Variants in SH2D4A observed in about 807,000 individuals in gnomAD.
SH2D4A encodes the protein SH2 domain containing 4A.
In SH2D4A, 70 loss-of-function variants were observed where a neutral mutation model predicts 64.7. The observed-to-expected ratio is 1.08, with a 90% CI of 0.89 to 1.32. SH2D4A has a LOEUF of 1.32. SH2D4A is among the 40% of genes most tolerant of loss of function. SH2D4A has a pLI of 0.00. For missense variants in SH2D4A, 706 were observed against 540.1 expected (o/e 1.31, Z -3.04); for synonymous variants, 268 against 200.7 (o/e 1.34, Z -2.83).
intron 5 of SH2D4A, among the ~76,000 whole-genome samples, chr8:19,358,461 A>G (rs1284617461): frequency 6.6e-6 from 1 of 152,204 alleles, no homozygotes; most frequent in Non-Finnish European, 1.5e-5. Context: ...GGGATGGGAC[A>G]GGTAGTCAGA....
chr8:19,329,324 A>T (rs1375283590), intron 2 of SH2D4A, among the ~76,000 whole-genome samples: 1 of 152,114 alleles, frequency 6.6e-6, no homozygotes, highest in Non-Finnish European at 1.5e-5. Context: ...CTGGCCCTCC[A>T]GGGACTTAGT....
At chr8:19,318,942 A>G (rs1338810037) in intron 1 of SH2D4A, among the ~76,000 whole-genome samples, 2 of 151,892 alleles carry the variant, frequency 1.3e-5, no homozygotes, top group South Asian at 2.1e-4. Flanking sequence ...TTCTTTTGAA[A>G]TAGGTACTTT....
intron 5 of SH2D4A, 100 bp from the exon 6 acceptor site, chr8:19,361,103 G>T (rs368924600): frequency 2.1e-6 from 1 of 474,488 alleles, no homozygotes; most frequent in African/African-American, 7.6e-5. Flanking sequence ...AGTCAGCTGT[G>T]CCGGGTACCC....
At chr8:19,349,510 G>A (rs868443032) in intron 4 of SH2D4A, among the ~76,000 whole-genome samples, 3 of 152,142 alleles carry the variant, frequency 2.0e-5, no homozygotes, top group Non-Finnish European at 4.4e-5. Flanking sequence ...CATTGTGGGA[G>A]ATATTAGCAT....
chr8:19,379,170 C>T (rs962061397), intron 8 of SH2D4A, among the ~76,000 whole-genome samples: 1 of 152,054 alleles, frequency 6.6e-6, no homozygotes, highest in Admixed American at 6.6e-5. Context: ...TTTAATAATG[C>T]TCCATTCACC....
At chr8:19,330,704 T>C (rs563898070) in intron 2 of SH2D4A, among the ~76,000 whole-genome samples, 1 of 152,274 alleles carries the variant, frequency 6.6e-6, no homozygotes, top group East Asian at 1.9e-4. Context: ...CCCTCTGCTC[T>C]TCCTTTTTCT....
At chr8:19,317,297 A>G (rs2052104632) in intron 1 of SH2D4A, among the ~76,000 whole-genome samples, 1 of 144,846 alleles carries the variant, frequency 6.9e-6, no homozygotes, top group Admixed American at 7.0e-5. Context: ...TCTTGACAAG[A>G]CATCCATTTT....
chr8:19,343,536 T>A (rs1689787018), intron 4 of SH2D4A, among the ~76,000 whole-genome samples: 1 of 152,198 alleles, frequency 6.6e-6, no homozygotes. Context: ...TGAGATAACA[T>A]ATTTGGAAAT....
chr8:19,374,908 A>G (rs899755294), intron 8 of SH2D4A, among the ~76,000 whole-genome samples: 4 of 152,360 alleles, frequency 2.6e-5, no homozygotes, highest in African/African-American at 9.6e-5. Flanking sequence ...CGAGGAAATC[A>G]GCCACTTTGT....
intron 8 of SH2D4A, among the ~76,000 whole-genome samples, chr8:19,388,026 A>C (rs754579045): frequency 2.0e-5 from 3 of 150,274 alleles, no homozygotes; most frequent in Non-Finnish European, 4.4e-5. Context: ...CACTGTCCCC[A>C]CATCAAGGCA....
intron 4 of SH2D4A, among the ~76,000 whole-genome samples, chr8:19,342,917 G>A (rs1352645612): frequency 6.6e-6 from 1 of 152,106 alleles, no homozygotes; most frequent in Non-Finnish European, 1.5e-5. Context: ...CTACTTTCCG[G>A]GACACCTTGA....
chr8:19,346,357 C>T (rs1249412109), intron 4 of SH2D4A, among the ~76,000 whole-genome samples: 1 of 152,196 alleles, frequency 6.6e-6, no homozygotes, highest in African/African-American at 2.4e-5. Flanking sequence ...ATTAGATTCT[C>T]ATAGGAGCAT....
At chr8:19,317,935 T>A (rs1042912622) in intron 1 of SH2D4A, among the ~76,000 whole-genome samples, 1 of 152,130 alleles carries the variant, frequency 6.6e-6, no homozygotes, top group Non-Finnish European at 1.5e-5. Flanking sequence ...AGAGTCTCCC[T>A]CTGTTGCCCA....
At chr8:19,316,087 C>G (rs573149465) in intron 1 of SH2D4A, among the ~76,000 whole-genome samples, 2 of 151,882 alleles carry the variant, frequency 1.3e-5, no homozygotes, top group Admixed American at 6.6e-5. Flanking sequence ...AGCCTTGGAG[C>G]GGGGGTTAGG....
At position 19,333,123 on chromosome 8, in the gene SH2D4A, T is replaced by C. The variant is rs1191506151; in HGVS notation, c.341+9T>C. The C allele has an allele frequency of 6.2e-7, 1 of 1,600,774 alleles. No individual in the cohort carries two copies. Among genetic ancestry groups the C allele is most frequent in the Non-Finnish European group, 8.5e-7 (1 of 1,176,472 alleles). On this transcript the variant is annotated intron_variant, in intron 3 of 9. Coordinates refer to ENST00000265807, the MANE Select transcript of SH2D4A (RefSeq NM_022071.4). The stretch of plus-strand genomic sequence containing the variant: ...GAGGCAGAAGAGCCCAGGTATGAGA[T>C]CTGCAAACCAACCAGAGACTTAAAG...
chr8:19,326,763 TG>T (rs1427121925), intron 2 of SH2D4A, among the ~76,000 whole-genome samples: 1 of 152,050 alleles, frequency 6.6e-6, no homozygotes, highest in African/African-American at 2.4e-5. Context: ...TTGAATCCAG[TG>T]GGGGTGGAGA....
At chr8:19,343,301 T>G (rs957502652) in intron 4 of SH2D4A, among the ~76,000 whole-genome samples, 1 of 152,082 alleles carries the variant, frequency 6.6e-6, no homozygotes, top group Non-Finnish European at 1.5e-5. Context: ...GACATGCTGG[T>G]GCACACCTGT....
chr8:19,316,193 A>G (rs1483336069), intron 1 of SH2D4A, among the ~76,000 whole-genome samples: 1 of 152,242 alleles, frequency 6.6e-6, no homozygotes. Flanking sequence ...GACCACAGAT[A>G]GTTGTCGGCT....
At chr8:19,328,398 G>C (rs975577912) in intron 2 of SH2D4A, among the ~76,000 whole-genome samples, 1 of 151,622 alleles carries the variant, frequency 6.6e-6, no homozygotes, top group East Asian at 1.9e-4. Context: ...GAATTTTCTT[G>C]TCACTACTTC....
Sources: gnomAD v4.1 joint callset for allele counts (sites outside exome capture counted in the v4.1 genomes callset) on GRCh38, gnomAD v4.1.1 for gene constraint, MANE v1.5 for transcripts, NCBI Gene and HGNC (gene_info 2026-07-23, HGNC 2026-07-21) for gene names.